PDE4D: variants seen among roughly 807,000 people sequenced by gnomAD.
The protein encoded by PDE4D is phosphodiesterase 4D.
In PDE4D, 24 loss-of-function variants were observed where a neutral mutation model predicts 87.4. That is an observed-to-expected ratio of 0.27 (90% CI 0.20 to 0.39). The LOEUF (loss-of-function observed/expected upper bound fraction) is 0.39. Among genes scored for constraint, PDE4D ranks in the 10% least tolerant of loss-of-function variants. PDE4D has a pLI of 1.00. For missense variants in PDE4D, 714 were observed against 1,041.0 expected, an observed-to-expected ratio of 0.69 and a Z score of 4.32; for synonymous variants, 384 against 383.2, an observed-to-expected ratio of 1.00 and a Z score of -0.02.
At chr5:59,400,899 G>A (rs937101575) in intron 1 of PDE4D, among the ~76,000 whole-genome samples, 3 of 152,054 alleles carry the variant, frequency 2.0e-5, no homozygotes, top group Non-Finnish European at 4.4e-5. Flanking sequence ...GTACCATTAT[G>A]TATGTTACAT....
At chr5:60,186,489 G>A (rs1784792608) in intron 1 of PDE4D, among the ~76,000 whole-genome samples, 1 of 152,104 alleles carries the variant, frequency 6.6e-6, no homozygotes, top group Non-Finnish European at 1.5e-5. Flanking sequence ...GCTACATCAG[G>A]ACACAACCTA....
intron 1 of PDE4D, among the ~76,000 whole-genome samples, chr5:59,673,458 C>T (rs1747551045): frequency 6.6e-6 from 1 of 152,084 alleles, no homozygotes; most frequent in Admixed American, 6.6e-5. Context: ...GTTTACAAAC[C>T]CAATCGTTAC....
At chr5:60,289,896 G>A (rs375739593) in intron 1 of PDE4D, among the ~76,000 whole-genome samples, 1 of 152,086 alleles carries the variant, frequency 6.6e-6, no homozygotes, top group East Asian at 1.9e-4. Context: ...TTTTGACAGC[G>A]CATCTTTTAC....
At chr5:59,867,840 A>G (rs1231835553) in intron 1 of PDE4D, among the ~76,000 whole-genome samples, 1 of 152,208 alleles carries the variant, frequency 6.6e-6, no homozygotes, top group Non-Finnish European at 1.5e-5. Flanking sequence ...AATATGATAT[A>G]TTATGTCTTA....
chr5:59,821,393 G>A (rs1383968935), intron 1 of PDE4D, among the ~76,000 whole-genome samples: 1 of 152,074 alleles, frequency 6.6e-6, no homozygotes, highest in African/African-American at 2.4e-5. Context: ...AATCAATTAT[G>A]GCTTATTTAA....
intron 1 of PDE4D, among the ~76,000 whole-genome samples, chr5:59,472,883 A>C (rs1267599389): frequency 6.6e-6 from 1 of 152,126 alleles, no homozygotes. Context: ...ACATAGGAGG[A>C]AAGTAAGGGC....
chr5:59,921,953 G>A lies in PDE4D; in HGVS notation c.272+66535C>T, dbSNP rs567794906. ...AGTGAAAAAGGCACTGAAGAGGGTA[G>A]GAAAGAAAGTCTTGAATGGCCGATG... On this transcript the variant is annotated intron_variant, in intron 3 of 16. Coordinates refer to the PDE4D transcript ENST00000502484. Among the ~76,000 whole-genome samples the A allele has an allele frequency of 4.6e-5, 7 of 152,330 alleles. No homozygotes were observed. In the South Asian group the frequency reaches 1.0e-3, roughly 23 times the overall value.
intron 1 of PDE4D, among the ~76,000 whole-genome samples, chr5:59,448,066 G>A (rs1250382916): frequency 6.6e-6 from 1 of 152,182 alleles, no homozygotes; most frequent in East Asian, 1.9e-4. Flanking sequence ...AAAATAAGCT[G>A]AAACAAAGAA....
rs181394464 is a variant in PDE4D at position 59,644,207 on chromosome 5, A to G, written c.455+248961T>C. Among the ~76,000 whole-genome samples the G allele has an allele frequency of 9.8e-5, 15 of 152,300 alleles. No homozygotes were observed. In the East Asian group the frequency reaches 2.9e-3, roughly 29 times the overall value. ...AATCAGCAAATTGTCAGTGGGAAAA[A>G]TGTATCTATATTGACTGCTCTCAAC... On this transcript the variant is annotated intron_variant, in intron 1 of 14. Coordinates refer to ENST00000340635, the MANE Select transcript of PDE4D (RefSeq NM_001104631.2).
chr5:59,043,750 C>CT (rs1187514752), intron 5 of PDE4D, among the ~76,000 whole-genome samples: 1 of 151,828 alleles, frequency 6.6e-6, no homozygotes. Flanking sequence ...GTTCCCCTTC[C>CT]TATGTCCATG....
chr5:60,223,852 A>G (rs1744776659), intron 1 of PDE4D, among the ~76,000 whole-genome samples: 1 of 152,112 alleles, frequency 6.6e-6, no homozygotes, highest in Admixed American at 6.6e-5. Flanking sequence ...TCCTACTGGC[A>G]AATAACCAAC....
At chr5:60,106,226 G>A (rs1303145817) in intron 2 of PDE4D, among the ~76,000 whole-genome samples, 1 of 151,610 alleles carries the variant, frequency 6.6e-6, no homozygotes, top group East Asian at 1.9e-4. Flanking sequence ...TGATAAAACA[G>A]ACTTTAAACC....
At chr5:60,454,912 G>T (rs1021811659) in intron 1 of PDE4D, among the ~76,000 whole-genome samples, 10 of 151,980 alleles carry the variant, frequency 6.6e-5, no homozygotes, top group African/African-American at 2.4e-4. Context: ...AGAGAGAAGG[G>T]GTGGGGGAAG....
chr5:59,516,234 G>C (rs575265335), intron 1 of PDE4D, among the ~76,000 whole-genome samples: 1 of 152,152 alleles, frequency 6.6e-6, no homozygotes, highest in Admixed American at 6.5e-5. Flanking sequence ...CAGAGCATTT[G>C]CAAGATTCCC....
intron 2 of PDE4D, among the ~76,000 whole-genome samples, chr5:60,119,213 C>T: frequency 6.6e-6 from 1 of 152,134 alleles, no homozygotes; most frequent in East Asian, 1.9e-4. Flanking sequence ...CATGTTCCAC[C>T]TGTGATTGAG....
chr5:60,370,236 T>C (rs1472503532), intron 1 of PDE4D, among the ~76,000 whole-genome samples: 1 of 152,174 alleles, frequency 6.6e-6, no homozygotes, highest in African/African-American at 2.4e-5. Flanking sequence ...CAAGTAGTGC[T>C]GGTTCACAGC....
At chr5:59,647,797 T>C (rs1001324011) in intron 1 of PDE4D, among the ~76,000 whole-genome samples, 24 of 152,324 alleles carry the variant, frequency 1.6e-4, no homozygotes, top group African/African-American at 5.8e-4. Context: ...ACTTAGAAAG[T>C]AATTTTGTCT....
intron 2 of PDE4D, among the ~76,000 whole-genome samples, chr5:60,003,874 C>T (rs939236017): frequency 2.0e-5 from 3 of 151,982 alleles, no homozygotes; most frequent in Non-Finnish European, 4.4e-5. Context: ...GAAATAAACC[C>T]TGCATATATA....
At chr5:59,625,855 C>T (rs298047) in intron 1 of PDE4D, among the ~76,000 whole-genome samples, 109,719 of 152,014 alleles carry the variant, frequency 0.72, 40,610 homozygotes, top group South Asian at 0.91. Flanking sequence ...CTGAGGCGGG[C>T]GGATCACAAG....
Sources: allele counts gnomAD v4.1 joint callset (sites outside exome capture counted in the v4.1 genomes callset), GRCh38; gene constraint gnomAD v4.1.1; transcripts MANE v1.5; gene names NCBI Gene and HGNC (gene_info 2026-07-23, HGNC 2026-07-21).